CACNA2D1: variants seen among roughly 807,000 people sequenced by gnomAD.
CACNA2D1 encodes voltage-dependent calcium channel subunit alpha-2/delta-1.
CACNA2D1 carries 53 observed loss-of-function variants against 171.5 expected under a neutral mutation model. That is an observed-to-expected ratio of 0.31 (90% CI 0.25 to 0.39). The LOEUF (loss-of-function observed/expected upper bound fraction) is 0.39, where lower values mean the gene tolerates loss of function less well. CACNA2D1 is among the 10% of genes least tolerant of loss of function. The pLI is 1.00. For missense variants in CACNA2D1, 903 were observed against 1,299.8 expected, an observed-to-expected ratio of 0.69 and a Z score of 4.69; for synonymous variants, 442 against 443.1, an observed-to-expected ratio of 1.00 and a Z score of 0.03.
intron 25 of CACNA2D1, among the ~76,000 whole-genome samples, chr7:81,972,156 T>C (rs2130461866): frequency 1.3e-5 from 2 of 151,722 alleles, no homozygotes; most frequent in East Asian, 1.9e-4. Flanking sequence ...ATAGTCCTTC[T>C]TTTGTGTTTT....
At chr7:82,326,792 T>A (rs1383206767) in intron 3 of CACNA2D1, among the ~76,000 whole-genome samples, 1 of 118,094 alleles carries the variant, frequency 8.5e-6, no homozygotes, top group Non-Finnish European at 2.0e-5. Flanking sequence ...TTACTTGAAC[T>A]CTTATTTCTT....
At chr7:82,228,990 C>G (rs1802629002) in intron 3 of CACNA2D1, among the ~76,000 whole-genome samples, 1 of 152,236 alleles carries the variant, frequency 6.6e-6, no homozygotes, top group East Asian at 1.9e-4. Context: ...TTGAGAATGA[C>G]TATTCCATAT....
intron 6 of CACNA2D1, among the ~76,000 whole-genome samples, chr7:82,096,006 T>A (rs1425704954): frequency 6.6e-6 from 1 of 152,236 alleles, no homozygotes; most frequent in Non-Finnish European, 1.5e-5. Flanking sequence ...TGAAGCTTCT[T>A]GTTAAGTATT....
intron 31 of CACNA2D1, among the ~76,000 whole-genome samples, chr7:81,966,739 G>C (rs1349576475): frequency 6.6e-6 from 1 of 151,312 alleles, no homozygotes; most frequent in Non-Finnish European, 1.5e-5. Flanking sequence ...ATACTTCCAG[G>C]TTTAGTTAAA....
intron 4 of CACNA2D1, among the ~76,000 whole-genome samples, chr7:82,143,417 A>G (rs941588682): frequency 6.6e-6 from 1 of 152,202 alleles, no homozygotes; most frequent in African/African-American, 2.4e-5. Context: ...GAATTTATCA[A>G]TTAACTTTAG....
At chr7:82,041,660 G>C (rs1032341425) in intron 10 of CACNA2D1, among the ~76,000 whole-genome samples, 1 of 152,118 alleles carries the variant, frequency 6.6e-6, no homozygotes, top group African/African-American at 2.4e-5. Flanking sequence ...TGAAAACTGA[G>C]TATCTTCAGG....
chr7:81,976,486 G>A (rs912671689), intron 24 of CACNA2D1, among the ~76,000 whole-genome samples: 1 of 152,100 alleles, frequency 6.6e-6, no homozygotes, highest in African/African-American at 2.4e-5. Flanking sequence ...GTATTCCTAG[G>A]TATTTTATTC....
At chr7:82,315,488 T>C (rs1295451817) in intron 3 of CACNA2D1, among the ~76,000 whole-genome samples, 2 of 152,112 alleles carry the variant, frequency 1.3e-5, no homozygotes, top group Admixed American at 1.3e-4. Context: ...CATCAATGGA[T>C]TGAATTTTCT....
chr7:82,363,254 CTTTTTTTTTTTT>C (rs35419275), intron 1 of CACNA2D1, among the ~76,000 whole-genome samples: 29 of 63,422 alleles, frequency 4.6e-4, no homozygotes, highest in South Asian at 7.7e-4. Flanking sequence ...TTATTTGTCT[CTTTTTTTTTTTT>C]TTTTTTTTTT....
chr7:82,428,403 A>G (rs1387229423), intron 1 of CACNA2D1, among the ~76,000 whole-genome samples: 1 of 152,146 alleles, frequency 6.6e-6, no homozygotes, highest in Non-Finnish European at 1.5e-5. Context: ...GCAAGGAACC[A>G]TCTGTTGCAT....
intron 11 of CACNA2D1, among the ~76,000 whole-genome samples, chr7:82,033,529 T>C (rs1035045599): frequency 6.6e-6 from 1 of 152,100 alleles, no homozygotes; most frequent in African/African-American, 2.4e-5. Flanking sequence ...CATTCTACTT[T>C]ATTCACTTCA....
At chr7:81,956,833 A>C (rs1377169409) in intron 38 of CACNA2D1, among the ~76,000 whole-genome samples, 1 of 127,750 alleles carries the variant, frequency 7.8e-6, no homozygotes, top group Non-Finnish European at 1.7e-5. Flanking sequence ...TTAGAAAAGA[A>C]ATTGCAAAAC....
chr7:82,204,346 G>C (rs939709907), intron 3 of CACNA2D1, among the ~76,000 whole-genome samples: 1 of 152,158 alleles, frequency 6.6e-6, no homozygotes, highest in African/African-American at 2.4e-5. Context: ...TAACTAGTTG[G>C]TCACAGGCCC....
chr7:82,052,007 C>T lies in CACNA2D1; in HGVS notation c.879+8421G>A, dbSNP rs552334891. ...TCTGACATCTTATACATGATTTAAG[C>T]ATGAAAAATTACTGTTATTTTTAAA... On this transcript the variant is annotated intron_variant, in intron 10 of 38. Coordinates refer to ENST00000356860, the MANE Select transcript of CACNA2D1 (RefSeq NM_000722.4). Among the ~76,000 whole-genome samples the T allele has an allele frequency of 1.5e-4, 23 of 152,140 alleles. 1 individual carries two copies. The South Asian group carries it at 4.8e-3, about 32-fold the overall frequency.
At chr7:82,329,224 T>C (rs1277344313) in intron 3 of CACNA2D1, among the ~76,000 whole-genome samples, 1 of 152,184 alleles carries the variant, frequency 6.6e-6, no homozygotes, top group Non-Finnish European at 1.5e-5. Flanking sequence ...ACATTTGTCA[T>C]GTTCCTTTTT....
intron 4 of CACNA2D1, among the ~76,000 whole-genome samples, chr7:82,154,696 A>C (rs967596873): frequency 5.9e-5 from 9 of 152,210 alleles, no homozygotes; most frequent in Non-Finnish European, 1.3e-4. Flanking sequence ...TTTGATTCAG[A>C]AACTGAATGC....
intron 3 of CACNA2D1, among the ~76,000 whole-genome samples, chr7:82,174,856 G>C (rs1796402616): frequency 6.6e-6 from 1 of 152,038 alleles, no homozygotes; most frequent in African/African-American, 2.4e-5. Flanking sequence ...GAGAAGGATA[G>C]AGAATGAAGA....
At position 82,307,521 on chromosome 7, in the gene CACNA2D1, A is replaced by G. The variant is rs531625982; in HGVS notation, c.294+27614T>C. Among the ~76,000 whole-genome samples, 15 of 150,348 alleles carry G rather than the reference A, an allele frequency of 1.0e-4. No homozygotes were observed. The South Asian group carries it at 1.7e-3, about 17-fold the overall frequency. ...AATTTATAATTCTTAAAATAATTAT[A>G]TAATTTATAAATTTATAATTCTTAT... On this transcript the variant is annotated intron_variant, in intron 3 of 38. Coordinates refer to ENST00000356860, the MANE Select transcript of CACNA2D1 (RefSeq NM_000722.4).
At chr7:82,087,915 G>A (rs921951395) in intron 6 of CACNA2D1, among the ~76,000 whole-genome samples, 1 of 152,210 alleles carries the variant, frequency 6.6e-6, no homozygotes, top group South Asian at 2.1e-4. Context: ...ACAAGTTTAT[G>A]TCATTTCCTG....
Sources: allele counts gnomAD v4.1 joint callset (sites outside exome capture counted in the v4.1 genomes callset), GRCh38; gene constraint gnomAD v4.1.1; transcripts MANE v1.5; gene names NCBI Gene and HGNC (gene_info 2026-07-23, HGNC 2026-07-21).